ATM: variants seen among roughly 807,000 people sequenced by gnomAD.
ATM encodes the protein ATM serine/threonine kinase, also known as serine-protein kinase ATM.
In ATM, 308 loss-of-function variants were observed where a neutral mutation model predicts 387.0. That is an observed-to-expected ratio of 0.80 (90% CI 0.73 to 0.87). ATM has a LOEUF of 0.87. ATM is among the 40% of genes least tolerant of loss of function. The pLI is 0.00. For synonymous variants in ATM, 1,156 were observed against 1,187.3 expected, an observed-to-expected ratio of 0.97 and a Z score of 0.54; for missense variants, 3,312 against 3,560.9, an observed-to-expected ratio of 0.93 and a Z score of 1.78.
At position 108,331,548 on chromosome 11, in the gene ATM, C is replaced by A. The variant is rs863224298; in HGVS notation, c.7620C>A (p.Val2540=). 6.2e-6 allele frequency: 10 copies of A among 1,610,882 alleles called. No homozygotes were observed. Among genetic ancestry groups the A allele is most frequent in the Non-Finnish European group, 7.6e-6 (9 of 1,178,790 alleles). ...KMMGGLGFHE[V]LNNLISRISM... ...TGGGAGGCCTAGGATTTCATGAAGT[C>A]CTCAATAATGTAAGTAAACCTGAAA... The change falls in exon 51 of 63, where the codon GTC becomes GTA. Residue 2540 remains valine, a synonymous_variant. Coordinates refer to ENST00000675843, the MANE Select transcript of ATM (RefSeq NM_000051.4).
intron 18 of ATM, among the ~76,000 whole-genome samples, chr11:108,270,759 G>A (rs1461896671): frequency 2.6e-5 from 4 of 151,996 alleles, no homozygotes; most frequent in African/African-American, 9.7e-5. Context: ...GCAGTGGCGC[G>A]ATCTCGGCTC....
intron 7 of ATM, among the ~76,000 whole-genome samples, chr11:108,245,766 A>G (rs1378144091): frequency 6.6e-6 from 1 of 151,568 alleles, no homozygotes; most frequent in Admixed American, 6.6e-5. Context: ...CTTTCTTAAA[A>G]CAGCATACCA....
chr11:108,331,842 G>A, intron 51 of ATM, 37 bp from the exon 52 acceptor site: 3 of 1,597,608 alleles, frequency 1.9e-6, no homozygotes, highest in Non-Finnish European at 2.6e-6. Flanking sequence ...ATATTTTTTT[G>A]TTTATTTGCA....
At chr11:108,318,667 C>T (rs541808512) in intron 43 of ATM, among the ~76,000 whole-genome samples, 3 of 151,742 alleles carry the variant, frequency 2.0e-5, no homozygotes, top group African/African-American at 7.3e-5. Flanking sequence ...CCAGCCTGGG[C>T]GACAGAGTGA....
intron 61 of ATM, among the ~76,000 whole-genome samples, chr11:108,357,502 A>G (rs1263926359): frequency 6.6e-6 from 1 of 152,218 alleles, no homozygotes; most frequent in Non-Finnish European, 1.5e-5. Flanking sequence ...GGGCACAGAC[A>G]AACAAAAAGA....
At chr11:108,322,132 G>A (rs2136258159) in intron 45 of ATM, among the ~76,000 whole-genome samples, 1 of 151,956 alleles carries the variant, frequency 6.6e-6, no homozygotes, top group South Asian at 2.1e-4. Flanking sequence ...TATACCTAGT[G>A]TTTTTGTTTT....
chr11:108,282,925 A>G, intron 25 of ATM, 46 bp downstream of exon 25: 2 of 1,297,708 alleles, frequency 1.5e-6, no homozygotes, highest in East Asian at 2.4e-5. Flanking sequence ...ATTTAAAATT[A>G]GTTAACAATA....
chr11:108,288,954 ATT>A, intron 27 of ATM, 21 bp from the exon 28 acceptor site: 1 of 1,613,260 alleles, frequency 6.2e-7, no homozygotes, highest in Non-Finnish European at 8.5e-7. Context: ...CGATGACTGT[ATT>A]TTTTCCCTTA....
rs2136690199 is a variant in ATM at position 108,335,830 on chromosome 11, T to C, written c.8152-15T>C. ...ATAAACTGTACTTGTTTATTCATGC[T>C]TAATTATTCTGAAGGGCCGTGATGA... is the stretch of plus-strand genomic sequence containing the variant. On this transcript the variant is annotated splice_polypyrimidine_tract_variant and intron_variant, in intron 55 of 62. Transcript: ENST00000675843. The C allele has an allele frequency of 6.3e-7, 1 of 1,600,000 alleles. No homozygotes were observed. The highest frequency in any genetic ancestry group is 8.6e-7 in the Non-Finnish European group (1 of 1,167,494).
In ATM at chr11:108,363,642, C is replaced by T. The variant is rs2299655; in HGVS notation, c.8851-1440C>T. Among the ~76,000 whole-genome samples, 4 of 152,266 alleles carry T rather than the reference C, an allele frequency of 2.6e-5. No homozygotes were observed. In the East Asian group the frequency reaches 7.7e-4, roughly 29 times the overall value. ...AGTTAGCCCCCACAGCAAAGAAATA[C>T]CCCATCCAAAATGACAATAGTGCTG... On this transcript the variant is annotated intron_variant, in intron 61 of 62. Transcript: ENST00000675843.
At position 108,281,155 on chromosome 11, in the gene ATM, A is replaced by C. The variant is rs12786960; in HGVS notation, c.3563A>C (p.His1188Pro). 6.2e-7 allele frequency: 1 copy of C among 1,613,910 alleles called. No homozygotes were observed. The highest frequency in any genetic ancestry group is 8.5e-7 in the Non-Finnish European group (1 of 1,179,882). ...KSVKENGLEPHLVKKVLEKVS... is the reference protein window; with the variant it reads ...KSVKENGLEPPLVKKVLEKVS... ...GTGAAAGAGAATGGATTAGAACCTC[A>C]CCTTGTGAAAAAGGTATATATGGAT... The change falls in exon 24 of 63, where the codon CAC becomes CCC. Residue 1188 changes from histidine (H) to proline (P), a missense_variant. Around this residue, in one of 4 missense-constraint regions of ATM, gnomAD observed 1,791 missense variants for 1,804.5 expected, o/e 0.99. Transcript: ENST00000675843.
intron 16 of ATM, among the ~76,000 whole-genome samples, chr11:108,264,091 A>G (rs980926442): frequency 1.8e-4 from 27 of 151,780 alleles, no homozygotes; most frequent in Non-Finnish European, 3.4e-4. Flanking sequence ...AAACTATTCC[A>G]ATCAATAGAA....
chr11:108,250,634 T>C (rs2080081782), intron 9 of ATM, 67 bp from the exon 10 acceptor site: 2 of 1,472,310 alleles, frequency 1.4e-6, no homozygotes, highest in African/African-American at 1.4e-5. Context: ...ACCATGTCTA[T>C]ATATTTCCTT....
In ATM at chr11:108,237,777, G is replaced by T. The variant is rs901952252; in HGVS notation, c.496+1943G>T. Among the ~76,000 whole-genome samples the T allele has an allele frequency of 2.0e-5, 3 of 151,956 alleles. No homozygotes were observed. The South Asian group carries it at 6.2e-4, about 31-fold the overall frequency. On this transcript the variant is annotated intron_variant, in intron 5 of 62. Transcript: ENST00000675843. ...AATCAGCTTACTGATTTCTACAAAA[G>T]ATCTTGCTGGGATTTTGATACTAAT...
chr11:108,244,145 T>C, intron 6 of ATM, 27 bp downstream of exon 6: 1 of 1,612,754 alleles, frequency 6.2e-7, no homozygotes, highest in Non-Finnish European at 8.5e-7. Flanking sequence ...TTCTTTTGTT[T>C]TGTATTGAAA....
chr11:108,272,438 A>G (rs935127543), intron 20 of ATM, 94 bp from the exon 21 acceptor site: 9 of 1,023,504 alleles, frequency 8.8e-6, no homozygotes, highest in African/African-American at 8.0e-5. Flanking sequence ...ACAGAAAGAC[A>G]TATTGGAAGT....
At chr11:108,269,224 G>C (rs894434367) in intron 18 of ATM, among the ~76,000 whole-genome samples, 12 of 152,140 alleles carry the variant, frequency 7.9e-5, no homozygotes, top group African/African-American at 2.9e-4. Flanking sequence ...TTTTGTCATT[G>C]CATTTAGGTG....
chr11:108,242,500 C>T (rs1270403964), intron 5 of ATM, among the ~76,000 whole-genome samples: 1 of 152,092 alleles, frequency 6.6e-6, no homozygotes, highest in Non-Finnish European at 1.5e-5. Context: ...ATAACACTCC[C>T]CTTTGTAGAT....
chr11:108,314,232 C>T (rs2084413327), intron 40 of ATM, among the ~76,000 whole-genome samples: 1 of 152,122 alleles, frequency 6.6e-6, no homozygotes, highest in African/African-American at 2.4e-5. Context: ...CCTCCAACCT[C>T]AGCCTCACAA....
Sources: allele counts gnomAD v4.1 joint callset (sites outside exome capture counted in the v4.1 genomes callset), GRCh38; gene constraint gnomAD v4.1.1; regional missense constraint gnomAD v4.1.1; transcripts MANE v1.5; gene names NCBI Gene and HGNC (gene_info 2026-07-23, HGNC 2026-07-21).